The following IPMK variants were observed in gnomAD, a reference collection of about 807,000 sequenced individuals.
IPMK encodes the protein inositol polyphosphate multikinase.
In IPMK, 17 loss-of-function variants were observed where a neutral mutation model predicts 45.8. The observed-to-expected ratio is 0.37, with a 90% CI of 0.25 to 0.56. The LOEUF (loss-of-function observed/expected upper bound fraction) is 0.56, where lower values mean the gene tolerates loss of function less well. Among genes scored for constraint, IPMK ranks in the 20% least tolerant of loss-of-function variants. The pLI, the probability that IPMK is intolerant of heterozygous loss-of-function variation, is 0.79. For missense variants in IPMK, 399 were observed against 498.0 expected (o/e 0.80, Z 1.89); for synonymous variants, 180 against 184.3 (o/e 0.98, Z 0.19).
intron 2 of IPMK, among the ~76,000 whole-genome samples, chr10:58,232,847 G>A (rs1407271443): frequency 1.3e-5 from 2 of 151,748 alleles, no homozygotes. Context: ...GAGCTGAAAG[G>A]GACAGACACA....
intron 1 of IPMK, among the ~76,000 whole-genome samples, chr10:58,249,738 C>G (rs544346139): frequency 6.6e-6 from 1 of 152,192 alleles, no homozygotes; most frequent in Non-Finnish European, 1.5e-5. Flanking sequence ...TGTTGCCTGT[C>G]CTTCTGAGGT....
chr10:58,225,730 A>C (rs1263424346), intron 3 of IPMK, among the ~76,000 whole-genome samples: 1 of 152,172 alleles, frequency 6.6e-6, no homozygotes, highest in Non-Finnish European at 1.5e-5. Context: ...CTCTAAATTA[A>C]ACAGCAATCA....
At chr10:58,220,196 G>A (rs1400468567) in intron 3 of IPMK, among the ~76,000 whole-genome samples, 1 of 152,208 alleles carries the variant, frequency 6.6e-6, no homozygotes, top group Non-Finnish European at 1.5e-5. Flanking sequence ...AGGGAGGGGA[G>A]AGGTGTGGAT....
At chr10:58,197,377 G>A (rs1305523696) in intron 5 of IPMK, among the ~76,000 whole-genome samples, 2 of 112,766 alleles carry the variant, frequency 1.8e-5, no homozygotes, top group Non-Finnish European at 3.5e-5. Flanking sequence ...CAGGCCGGGT[G>A]CGGTGGCTCA....
chr10:58,196,239 T>C lies in IPMK; in HGVS notation c.1088A>G (p.Glu363Gly), dbSNP rs1837890804. 1 of 1,614,094 alleles carries C rather than the reference T, an allele frequency of 6.2e-7. No homozygotes were observed. Among genetic ancestry groups the C allele is most frequent in the Admixed American group, 1.7e-5 (1 of 60,024 alleles). Residue 363 changes from glutamate (E) to glycine (G), a missense_variant, in exon 6 of 6, where the codon GAA becomes GGA. Around this residue, in one of 2 missense-constraint regions of IPMK, gnomAD observed 288 missense variants for 398.0 expected, o/e 0.72. Transcript: ENST00000373935. ...HLNGNVLSQL[E>G]KVFYHLPTGC... Reference sequence around the variant, plus strand: ...AGTGGGAAGATGGTAGAAAACTTTTTCCAGTTGGGAAAGTACATTTCCATT... The same window carrying C: ...AGTGGGAAGATGGTAGAAAACTTTTCCCAGTTGGGAAAGTACATTTCCATT...
At chr10:58,248,144 T>C (rs975405044) in intron 1 of IPMK, among the ~76,000 whole-genome samples, 1 of 152,044 alleles carries the variant, frequency 6.6e-6, no homozygotes, top group African/African-American at 2.4e-5. Context: ...ATAAACACTG[T>C]TTATACTTCA....
rs957696474 is a variant in IPMK, at chr10:58,231,219, G to A, written c.277-4080C>T. Among the ~76,000 whole-genome samples, 9 of 152,314 alleles carry A rather than the reference G, an allele frequency of 5.9e-5. No homozygotes were observed. In the South Asian group the frequency reaches 6.2e-4, roughly 11 times the overall value. Reference sequence around the variant, plus strand: ...ACATTTGACTGGTATACCTGGAAGCGATGGGGAGAATGGAACCAAGTTAGA... The same window carrying A: ...ACATTTGACTGGTATACCTGGAAGCAATGGGGAGAATGGAACCAAGTTAGA... On this transcript the variant is annotated intron_variant, in intron 2 of 5. Coordinates refer to ENST00000373935, the MANE Select transcript of IPMK (RefSeq NM_152230.5).
Position 58,224,197 on chromosome 10 carries a change from C to T in IPMK, c.373+2846G>A, listed in dbSNP as rs563652660. On this transcript the variant is annotated intron_variant, in intron 3 of 5. Transcript: ENST00000373935. ...TTGTTTCAGTTCATGCCTCCTGCAA[C>T]ATGACTAGTAGCTAGCTCCAGAAAA... Among the ~76,000 whole-genome samples the T allele has an allele frequency of 2.2e-4, 34 of 152,292 alleles. No individual in the cohort carries two copies. The South Asian group carries it at 7.0e-3, about 32-fold the overall frequency.
chr10:58,196,641 C>G lies in IPMK; in HGVS notation c.686G>C (p.Ser229Thr). The change falls in exon 6 of 6, where the codon AGT becomes ACT. Residue 229 changes from serine to threonine, a missense_variant. Ser to Thr is a moderately conservative substitution (Grantham distance 58, BLOSUM62 1). This residue lies in a region of IPMK where 288 missense variants were observed against 398.0 expected (regional missense o/e 0.72). Transcript: ENST00000373935. ...CAGAATTTTCTCAATCTTCTGAATACTGGCAGCAACAGCATCTTTTCTTAA... is the reference window on the plus strand; with the variant it reads ...CAGAATTTTCTCAATCTTCTGAATAGTGGCAGCAACAGCATCTTTTCTTAA... ...YCLRKDAVAA[S>T]IQKIEKILQW... 1 of 1,613,008 alleles carries G rather than the reference C, an allele frequency of 6.2e-7. No individual in the cohort carries two copies. Among genetic ancestry groups the G allele is most frequent in the Admixed American group, 1.7e-5 (1 of 59,846 alleles).
intron 1 of IPMK, among the ~76,000 whole-genome samples, chr10:58,251,440 A>G (rs560510541): frequency 1.6e-4 from 25 of 151,730 alleles, no homozygotes; most frequent in Admixed American, 6.6e-5. Flanking sequence ...GTGCTGTTGA[A>G]AAAAATGTGT....
chr10:58,228,395 T>C (rs1413240862), intron 2 of IPMK, among the ~76,000 whole-genome samples: 1 of 152,262 alleles, frequency 6.6e-6, no homozygotes, highest in Non-Finnish European at 1.5e-5. Context: ...CATTTGAAAC[T>C]ACTCATAGTT....
At chr10:58,253,751 G>GA (rs374275379) in intron 1 of IPMK, among the ~76,000 whole-genome samples, 11 of 66,254 alleles carry the variant, frequency 1.7e-4, no homozygotes, top group African/African-American at 6.4e-4. Flanking sequence ...AAAAAAAAAA[G>GA]AAAAAAAAAG....
At chr10:58,199,586 GGAGT>G (rs1331555582) in intron 4 of IPMK, among the ~76,000 whole-genome samples, 3 of 152,148 alleles carry the variant, frequency 2.0e-5, no homozygotes, top group Non-Finnish European at 4.4e-5. Context: ...CAACCTACGA[GGAGT>G]TAGTCTCAAG....
At chr10:58,253,305 C>T (rs962625597) in intron 1 of IPMK, among the ~76,000 whole-genome samples, 3 of 152,108 alleles carry the variant, frequency 2.0e-5, no homozygotes, top group Non-Finnish European at 4.4e-5. Context: ...TATCCAGTGT[C>T]GGGTATGTCT....
At chr10:58,203,431 C>T (rs1350253469) in intron 4 of IPMK, among the ~76,000 whole-genome samples, 1 of 152,234 alleles carries the variant, frequency 6.6e-6, no homozygotes, top group Non-Finnish European at 1.5e-5. Flanking sequence ...ATCCTCCCAC[C>T]TCAGCCTCCT....
chr10:58,265,911 G>C (rs894676248), intron 1 of IPMK, among the ~76,000 whole-genome samples: 57 of 152,116 alleles, frequency 3.7e-4, no homozygotes, highest in African/African-American at 1.3e-3. Context: ...TTGCATATAA[G>C]TCAATCTCTA....
chr10:58,259,678 A>AAAAAAAAAAAAAAC lies in IPMK; in HGVS notation c.190+7743_190+7744insGTTTTTTTTTTTTT, dbSNP rs984861270. ...TAAAATCCCATCTCTACATAAAAAAAAAAAAAAAACAATTAGCCAGGCATG... is the reference window on the plus strand; with the variant it reads ...TAAAATCCCATCTCTACATAAAAAAAAAAAAAAAAAAAACAAAAAAAAACAATTAGCCAGGCATG... On this transcript the variant is annotated intron_variant, in intron 1 of 5. Transcript: ENST00000373935. Among the ~76,000 whole-genome samples, 1,324 of 144,542 alleles carry AAAAAAAAAAAAAAC rather than the reference A, an allele frequency of 9.2e-3. 95 individuals are homozygous for AAAAAAAAAAAAAAC. Among genetic ancestry groups the AAAAAAAAAAAAAAC allele is most frequent in the African/African-American group, 0.033 (1,243 of 37,330 alleles). The allele number at this position is 144,542 out of a possible 152,430, so 94.8% of individuals were successfully genotyped here. A position where few individuals can be genotyped will look rare whatever the true frequency, so the allele number is the denominator to read the frequency against.
chr10:58,197,593 C>T (rs1320865916), intron 5 of IPMK, among the ~76,000 whole-genome samples: 13 of 147,990 alleles, frequency 8.8e-5, no homozygotes, highest in East Asian at 4.0e-4. Context: ...GAGCTTGCAG[C>T]GAGCCGAGAT....
intron 3 of IPMK, among the ~76,000 whole-genome samples, chr10:58,224,173 T>C (rs1387538154): frequency 2.6e-5 from 4 of 152,206 alleles, no homozygotes; most frequent in Non-Finnish European, 4.4e-5. Context: ...TATGTCAGCT[T>C]GTTTCAGTTC....
Sources: gnomAD v4.1 joint callset for allele counts (sites outside exome capture counted in the v4.1 genomes callset) on GRCh38, gnomAD v4.1.1 for gene constraint, gnomAD v4.1.1 regional missense constraint, MANE v1.5 for transcripts, NCBI Gene and HGNC (gene_info 2026-07-23, HGNC 2026-07-21) for gene names.